The following SLC9A9 variants were observed in gnomAD, a reference collection of about 807,000 sequenced individuals.
SLC9A9 encodes sodium/hydrogen exchanger 9.
A neutral mutation model predicts 77.8 loss-of-function variants in SLC9A9; 62 were observed. The ratio of observed to expected loss-of-function variants is 0.80; its 90% CI spans 0.65 to 0.98. SLC9A9 has a LOEUF of 0.98. SLC9A9 is among the 50% of genes least tolerant of loss of function. The pLI, the probability that SLC9A9 is intolerant of heterozygous loss-of-function variation, is 0.00. For missense variants in SLC9A9, 775 were observed against 774.9 expected (o/e 1.00, Z 0.00); for synonymous variants, 320 against 283.5 (o/e 1.13, Z -1.29).
intron 14 of SLC9A9, among the ~76,000 whole-genome samples, chr3:143,294,053 C>T (rs1056744490): frequency 6.6e-6 from 1 of 152,090 alleles, no homozygotes; most frequent in Non-Finnish European, 1.5e-5. Context: ...ACTTGGTGCA[C>T]TGAGAATAAT....
At chr3:143,502,542 C>T (rs898819495) in intron 9 of SLC9A9, among the ~76,000 whole-genome samples, 1 of 151,646 alleles carries the variant, frequency 6.6e-6, no homozygotes, top group Non-Finnish European at 1.5e-5. Flanking sequence ...TTCTTCTATC[C>T]ACACAAAAAA....
chr3:143,536,679 A>G (rs1377896347), intron 9 of SLC9A9, among the ~76,000 whole-genome samples: 1 of 152,224 alleles, frequency 6.6e-6, no homozygotes, highest in African/African-American at 2.4e-5. Context: ...AACTGTGGGA[A>G]TACTTATTTG....
chr3:143,283,717 C>T (rs1483077516), intron 14 of SLC9A9, among the ~76,000 whole-genome samples: 1 of 152,196 alleles, frequency 6.6e-6, no homozygotes, highest in East Asian at 1.9e-4. Flanking sequence ...AGACCCCTTT[C>T]AGAGTGAGTA....
rs183326074 is a variant in SLC9A9, at chr3:143,495,595, A to T, written c.1090-147T>A. On this transcript the variant is annotated intron_variant, in intron 9 of 15. Transcript: ENST00000316549. The stretch of plus-strand genomic sequence containing the variant: ...CCGTGTGCTTAGCCTCTGAAGGAGG[A>T]TGGAGGCCCTGGCTCTTGACCCAGG... The T allele has an allele frequency of 1.4e-3, 872 of 640,886 alleles. 1 individual carries two copies. Among genetic ancestry groups the T allele is most frequent in the South Asian group, 2.4e-3 (135 of 55,848 alleles). 39.7% of individuals were successfully genotyped at this position (640,886 alleles called of 1,614,324 possible). A position where few individuals can be genotyped will look rare whatever the true frequency, so the allele number is the denominator to read the frequency against.
Position 143,495,417 on chromosome 3 carries a change from T to C in SLC9A9, c.1121A>G (p.Asn374Ser), listed in dbSNP as rs768139878. 1 of 1,614,102 alleles carries C rather than the reference T, an allele frequency of 6.2e-7. No homozygotes were observed. The highest frequency in any genetic ancestry group is 8.5e-7 in the Non-Finnish European group (1 of 1,179,970). The change falls in exon 10 of 16, where the codon AAC (asparagine) becomes AGC (serine). Residue 374 changes from asparagine to serine, a missense_variant. By Grantham distance (46) the Asn-to-Ser change is conservative. Coordinates refer to ENST00000316549, the MANE Select transcript of SLC9A9 (RefSeq NM_173653.4). The stretch of plus-strand genomic sequence containing the variant: ...CAGGCCCATGTAACAGAAGATGACG[T>C]TCTCCGCCAAAAAGTTCATAAATTC... The part of the protein sequence containing the change: ...LFEFMNFLAE[N>S]VIFCYMGLAL...
At chr3:143,601,616 A>T (rs1399998126) in intron 6 of SLC9A9, among the ~76,000 whole-genome samples, 6 of 152,222 alleles carry the variant, frequency 3.9e-5, no homozygotes, top group Admixed American at 3.9e-4. Flanking sequence ...ATCTGGTATT[A>T]AACCACTTTC....
In SLC9A9 at chr3:143,683,587, A is replaced by G. The variant is rs149306580; in HGVS notation, c.649+9605T>C. 1.4e-4 allele frequency among the ~76,000 whole-genome samples: 21 copies of G among 152,258 alleles called. 1 individual carries two copies. The East Asian group carries it at 2.7e-3, about 20-fold the overall frequency. ...GTGGATTGGTTATTAGATAATACCA[A>G]TGGATTATGGAACAATTTTCAGGTT... On this transcript the variant is annotated intron_variant, in intron 5 of 15. Transcript: ENST00000316549.
intron 9 of SLC9A9, among the ~76,000 whole-genome samples, chr3:143,525,716 T>C (rs1321659939): frequency 6.6e-6 from 1 of 152,210 alleles, no homozygotes; most frequent in Non-Finnish European, 1.5e-5. Flanking sequence ...TTGTGGAATC[T>C]GATTTAAATG....
chr3:143,516,795 G>C (rs1455416420), intron 9 of SLC9A9, among the ~76,000 whole-genome samples: 1 of 152,042 alleles, frequency 6.6e-6, no homozygotes, highest in Admixed American at 6.5e-5. Flanking sequence ...AAATTTGCTG[G>C]TCATAGGTTT....
At chr3:143,390,376 G>A (rs992203889) in intron 12 of SLC9A9, among the ~76,000 whole-genome samples, 1 of 152,230 alleles carries the variant, frequency 6.6e-6, no homozygotes, top group Admixed American at 6.5e-5. Context: ...ACTATGGGCA[G>A]GAAACTGTAC....
chr3:143,742,371 C>T (rs961292818), intron 4 of SLC9A9, among the ~76,000 whole-genome samples: 16 of 152,156 alleles, frequency 1.1e-4, no homozygotes, highest in African/African-American at 1.9e-4. Flanking sequence ...GCCGGCTCTG[C>T]GTGAATTACT....
At chr3:143,307,061 T>C (rs572549789) in intron 14 of SLC9A9, among the ~76,000 whole-genome samples, 20 of 152,358 alleles carry the variant, frequency 1.3e-4, no homozygotes, top group African/African-American at 4.6e-4. Flanking sequence ...CTATGAAACT[T>C]ATGGTGCCAT....
At chr3:143,820,168 C>T (rs150864926) in intron 2 of SLC9A9, among the ~76,000 whole-genome samples, 220 of 152,298 alleles carry the variant, frequency 1.4e-3, no homozygotes, top group African/African-American at 5.0e-3. Flanking sequence ...AATTATCTCA[C>T]CTAAGATCAC....
At chr3:143,554,625 T>C (rs1451416460) in intron 8 of SLC9A9, among the ~76,000 whole-genome samples, 1 of 152,210 alleles carries the variant, frequency 6.6e-6, no homozygotes, top group Non-Finnish European at 1.5e-5. Flanking sequence ...AGACCATGTC[T>C]GGCCTTTGCT....
chr3:143,732,402 T>C (rs751668143), intron 4 of SLC9A9, among the ~76,000 whole-genome samples: 1 of 152,212 alleles, frequency 6.6e-6, no homozygotes, highest in Non-Finnish European at 1.5e-5. Context: ...GAGCAGATCT[T>C]CATTACCCTT....
At chr3:143,837,003 T>C (rs926215607) in intron 1 of SLC9A9, among the ~76,000 whole-genome samples, 8 of 152,180 alleles carry the variant, frequency 5.3e-5, no homozygotes, top group African/African-American at 1.9e-4. Context: ...ATCTTACTGA[T>C]GGTCATTCCA....
intron 4 of SLC9A9, among the ~76,000 whole-genome samples, chr3:143,766,111 G>C (rs1292804343): frequency 6.6e-6 from 1 of 152,154 alleles, no homozygotes; most frequent in Non-Finnish European, 1.5e-5. Flanking sequence ...ATTGTCTTAA[G>C]CTACTGAGTT....
At chr3:143,485,724 T>G (rs77759744) in intron 11 of SLC9A9, among the ~76,000 whole-genome samples, 2,243 of 152,118 alleles carry the variant, frequency 0.015, 42 homozygotes, top group East Asian at 0.12. Flanking sequence ...AGAAACAGGA[T>G]AGTATGGCCA....
At chr3:143,477,980 T>C (rs1249130357) in intron 11 of SLC9A9, among the ~76,000 whole-genome samples, 2 of 152,222 alleles carry the variant, frequency 1.3e-5, no homozygotes, top group African/African-American at 4.8e-5. Flanking sequence ...TAACTTTCTG[T>C]GGCTTTCTCT....
Sources: allele counts gnomAD v4.1 joint callset (sites outside exome capture counted in the v4.1 genomes callset), GRCh38; gene constraint gnomAD v4.1.1; transcripts MANE v1.5; gene names NCBI Gene and HGNC (gene_info 2026-07-23, HGNC 2026-07-21).